Variants in WWC1 observed in about 807,000 individuals in gnomAD.
WWC1 encodes WW and C2 domain containing 1.
A neutral mutation model predicts 138.4 loss-of-function variants in WWC1; 55 were observed. The observed-to-expected ratio is 0.40, with a 90% CI of 0.32 to 0.50. WWC1 has a LOEUF of 0.50. Among genes scored for constraint, WWC1 ranks in the 20% least tolerant of loss-of-function variants. WWC1 has a pLI of 0.72. For synonymous variants in WWC1, 524 were observed against 564.9 expected (o/e 0.93, Z 1.03); for missense variants, 1,226 against 1,420.4 (o/e 0.86, Z 2.20).
chr5:168,390,535 G>A (rs908349236), intron 3 of WWC1, among the ~76,000 whole-genome samples: 8 of 152,168 alleles, frequency 5.3e-5, no homozygotes, highest in Non-Finnish European at 1.2e-4. Context: ...CACAGAAACT[G>A]GGATTCCCCC....
intron 1 of WWC1, among the ~76,000 whole-genome samples, chr5:168,345,633 G>A (rs1357477993): frequency 6.6e-6 from 1 of 152,198 alleles, no homozygotes; most frequent in African/African-American, 2.4e-5. Context: ...ACATCCAGCA[G>A]ACCCATAAAG....
At chr5:168,454,133 G>T in intron 18 of WWC1, 33 bp downstream of exon 18, 1 of 1,602,550 alleles carries the variant, frequency 6.2e-7, no homozygotes, top group South Asian at 1.1e-5. Flanking sequence ...AAGGGCTGTC[G>T]TGGGGAAGGA....
intron 3 of WWC1, among the ~76,000 whole-genome samples, chr5:168,396,780 AT>A (rs1336929011): frequency 6.6e-6 from 1 of 152,206 alleles, no homozygotes; most frequent in East Asian, 1.9e-4. Flanking sequence ...TTTTCAAGAC[AT>A]TAGTAAATAC....
intron 4 of WWC1, among the ~76,000 whole-genome samples, chr5:168,398,748 G>C (rs1163979128): frequency 6.6e-6 from 1 of 152,186 alleles, no homozygotes; most frequent in East Asian, 1.9e-4. Context: ...TGGGCTGGGG[G>C]TGAGGCAGTA....
intron 1 of WWC1, among the ~76,000 whole-genome samples, chr5:168,297,540 C>T (rs1441215968): frequency 6.6e-6 from 1 of 150,692 alleles, no homozygotes; most frequent in African/African-American, 2.4e-5. Context: ...GCAGGAGAAT[C>T]GCTTGAATCC....
chr5:168,420,981 C>T (rs1351626004), intron 9 of WWC1, among the ~76,000 whole-genome samples: 1 of 152,176 alleles, frequency 6.6e-6, no homozygotes, highest in East Asian at 1.9e-4. Flanking sequence ...GTCCATTATC[C>T]ATCCTTAAAT....
chr5:168,308,340 A>G (rs1323905303), intron 1 of WWC1, among the ~76,000 whole-genome samples: 1 of 152,224 alleles, frequency 6.6e-6, no homozygotes, highest in Non-Finnish European at 1.5e-5. Flanking sequence ...AAATCAGAGC[A>G]TGCTGGATTG....
chr5:168,351,160 A>G (rs1774924925), intron 1 of WWC1, among the ~76,000 whole-genome samples: 1 of 151,812 alleles, frequency 6.6e-6, no homozygotes, highest in Non-Finnish European at 1.5e-5. Flanking sequence ...AAAAAAAAAA[A>G]ATCCCAGCTA....
chr5:168,322,948 C>G (rs1772235160), intron 1 of WWC1, among the ~76,000 whole-genome samples: 1 of 152,156 alleles, frequency 6.6e-6, no homozygotes, highest in Non-Finnish European at 1.5e-5. Context: ...TTCAGATGGT[C>G]AGCAACTTCA....
rs115425193 is a variant in WWC1 at position 168,311,713 on chromosome 5, A to G, written c.119+19442A>G. 5.1e-3 allele frequency among the ~76,000 whole-genome samples: 775 copies of G among 152,212 alleles called. 4 individuals carry two copies. The highest frequency in any genetic ancestry group is 0.018 in the African/African-American group (733 of 41,532). On this transcript the variant is annotated intron_variant, in intron 1 of 22. Coordinates refer to ENST00000265293, the MANE Select transcript of WWC1 (RefSeq NM_015238.3). ...TGGCAAAACCCCATCTCTACTAAAA[A>G]TGATATACAAAAAATTAGCTGGGTG... is the stretch of plus-strand genomic sequence containing the variant.
chr5:168,422,479 TG>T (rs1781165861), intron 10 of WWC1, among the ~76,000 whole-genome samples: 1 of 152,066 alleles, frequency 6.6e-6, no homozygotes, highest in Admixed American at 6.5e-5. Context: ...TAGCTGGGTG[TG>T]GTGGTGCATG....
At chr5:168,348,064 T>C (rs1180493164) in intron 1 of WWC1, among the ~76,000 whole-genome samples, 3 of 152,228 alleles carry the variant, frequency 2.0e-5, no homozygotes, top group Non-Finnish European at 4.4e-5. Flanking sequence ...ATGCAAGCAC[T>C]GTGCAAACAC....
At chr5:168,306,938 T>C (rs893364184) in intron 1 of WWC1, among the ~76,000 whole-genome samples, 3 of 152,238 alleles carry the variant, frequency 2.0e-5, no homozygotes, top group Non-Finnish European at 4.4e-5. Flanking sequence ...GGGCTAGGCC[T>C]TCCTTTCATT....
intron 1 of WWC1, among the ~76,000 whole-genome samples, chr5:168,301,740 A>G (rs1403668849): frequency 3.9e-5 from 6 of 152,114 alleles, no homozygotes; most frequent in Non-Finnish European, 1.5e-5. Flanking sequence ...CATGGTGAGG[A>G]TATGACATCC....
At chr5:168,297,381 C>T (rs1259507699) in intron 1 of WWC1, among the ~76,000 whole-genome samples, 1 of 152,178 alleles carries the variant, frequency 6.6e-6, no homozygotes. Flanking sequence ...AATCCCAGCA[C>T]TTTGGGAGGC....
intron 6 of WWC1, 89 bp downstream of exon 6, chr5:168,406,416 T>G: frequency 1.7e-4 from 253 of 1,470,378 alleles, no homozygotes; most frequent in Non-Finnish European, 2.1e-4. Context: ...TTCCACGTGG[T>G]ACACACATCA....
At chr5:168,428,843 C>T in intron 13 of WWC1, 56 bp downstream of exon 13, 1 of 1,582,710 alleles carries the variant, frequency 6.3e-7, no homozygotes, top group South Asian at 1.1e-5. Context: ...GTCCCTTCTT[C>T]ATCCACAGCG....
intron 1 of WWC1, among the ~76,000 whole-genome samples, chr5:168,352,587 T>C (rs1439803506): frequency 2.8e-5 from 3 of 108,744 alleles, no homozygotes; most frequent in Non-Finnish European, 5.3e-5. Context: ...ATATATATAA[T>C]TTTTTTTTTT....
At chr5:168,300,835 G>A (rs1380519052) in intron 1 of WWC1, among the ~76,000 whole-genome samples, 1 of 152,158 alleles carries the variant, frequency 6.6e-6, no homozygotes, top group East Asian at 1.9e-4. Flanking sequence ...CCACTGACGG[G>A]TAACAGACTT....
Sources: gnomAD v4.1 joint callset for allele counts (sites outside exome capture counted in the v4.1 genomes callset) on GRCh38, gnomAD v4.1.1 for gene constraint, MANE v1.5 for transcripts, NCBI Gene and HGNC (gene_info 2026-07-23, HGNC 2026-07-21) for gene names.